SLC36A1: variants seen among roughly 807,000 people sequenced by gnomAD.
SLC36A1 encodes the protein proton-coupled amino acid transporter 1.
Under a neutral mutation model 47.5 loss-of-function variants are expected in SLC36A1, and 30 were observed. The observed-to-expected ratio is 0.63, with a 90% confidence interval of 0.47 to 0.86. SLC36A1 has a LOEUF of 0.86. Among genes scored for constraint, SLC36A1 ranks in the 40% least tolerant of loss-of-function variants. The probability of loss-of-function intolerance (pLI) is 0.00; values close to 1 mark genes in which losing one functional copy is unlikely to be tolerated. For synonymous variants in SLC36A1, 255 were observed against 249.7 expected (o/e 1.02, Z -0.20); for missense variants, 517 against 606.0 (o/e 0.85, Z 1.54).
At chr5:151,361,726 T>G in the SLC36A1 span, among the ~76,000 whole-genome samples, 1 of 152,378 alleles carries the variant, frequency 6.6e-6, no homozygotes, top group South Asian at 2.1e-4. Flanking sequence ...TTTTCTTTCA[T>G]GCTGAAGAAG....
chr5:151,505,839 G>A, the SLC36A1 span: 1 of 1,612,912 alleles, frequency 6.2e-7, no homozygotes, highest in South Asian at 1.1e-5. Context: ...GCGCTCCCGG[G>A]GACTAGGGGG....
rs115854421 is a variant in SLC36A1, at chr5:151,476,275, C to A, written c.823-315C>A. Among the ~76,000 whole-genome samples, 636 of 152,328 alleles carry A rather than the reference C, an allele frequency of 4.2e-3. 8 individuals carry two copies. Among genetic ancestry groups the A allele is most frequent in the African/African-American group, 0.015 (618 of 41,560 alleles). On this transcript the variant is annotated intron_variant, in intron 8 of 10. Coordinates refer to ENST00000243389, the MANE Select transcript of SLC36A1 (RefSeq NM_078483.4). ...CTTCTGGTTGCCATGTGGCCTCACT[C>A]ACAGGGCAAGGGACATTCCCAGCCT...
rs1206024484 is a variant in SLC36A1, at chr5:151,467,824, C to A, written c.622C>A (p.Leu208Met). 6.2e-7 allele frequency: 1 copy of A among 1,613,932 alleles called. No individual in the cohort carries two copies. Among genetic ancestry groups the A allele is most frequent in the Non-Finnish European group, 8.5e-7 (1 of 1,180,000 alleles). Residue 208 changes from leucine to methionine, a missense_variant, in exon 7 of 11, where the codon CTG (leucine) becomes ATG (methionine). Transcript: ENST00000243389. ...MLSFLPFLVL[L>M]VFIRNLRALS... Reference sequence around the variant, plus strand: ...CTCCTTCCTGCCCTTCCTGGTGCTGCTGGTTTTCATCAGGAACCTCCGAGC... The same window carrying A: ...CTCCTTCCTGCCCTTCCTGGTGCTGATGGTTTTCATCAGGAACCTCCGAGC...
chr5:151,409,490 A>G, the SLC36A1 span, among the ~76,000 whole-genome samples: 60,877 of 152,016 alleles, frequency 0.4, 12,293 homozygotes, highest in South Asian at 0.44. Flanking sequence ...AGTGTTCAAC[A>G]GGCGTTTTGG....
chr5:151,369,375 A>G, the SLC36A1 span, among the ~76,000 whole-genome samples: 1 of 152,356 alleles, frequency 6.6e-6, no homozygotes, highest in East Asian at 1.9e-4. Context: ...TCTGTCCAAA[A>G]ATCCCTCTAA....
chr5:151,377,752 C>A, the SLC36A1 span, among the ~76,000 whole-genome samples: 1 of 152,118 alleles, frequency 6.6e-6, no homozygotes, highest in Non-Finnish European at 1.5e-5. Flanking sequence ...TTGAATTGAT[C>A]TCTTCACCAT....
rs165358 is a variant in SLC36A1, at chr5:151,479,590, C to G, written c.1159+101C>G. 0.18 allele frequency: 253,152 copies of G among 1,398,502 alleles called. 25,178 individuals carry two copies. Among genetic ancestry groups the G allele is most frequent in the Non-Finnish European group, 0.21 (211,544 of 1,023,930 alleles). 86.6% of individuals were successfully genotyped at this position (1,398,502 alleles called of 1,614,324 possible). On this transcript the variant is annotated intron_variant, in intron 10 of 10. Coordinates refer to ENST00000243389, the MANE Select transcript of SLC36A1 (RefSeq NM_078483.4). ...ACAATGTGTGTTGTAGTGAAGCTGG[C>G]TATGTTTGTGACAGAGAACCTGGCC...
chr5:151,450,670 C>T (rs1753519487), intron 1 of SLC36A1, among the ~76,000 whole-genome samples: 1 of 152,232 alleles, frequency 6.6e-6, no homozygotes, highest in African/African-American at 2.4e-5. Flanking sequence ...TAACTATTCT[C>T]ATATTAAGTA....
the SLC36A1 span, chr5:151,425,541 AATGG>A: frequency 1.3e-5 from 2 of 152,218 alleles, no homozygotes; most frequent in Non-Finnish European, 2.9e-5. Flanking sequence ...TGGGGGGACC[AATGG>A]ATGGATGGAT....
At chr5:151,408,971 AT>A in the SLC36A1 span, among the ~76,000 whole-genome samples, 5 of 141,986 alleles carry the variant, frequency 3.5e-5, no homozygotes, top group Admixed American at 7.0e-5. Flanking sequence ...GGTGAGGGTG[AT>A]TTTTTTTTTC....
chr5:151,452,471 A>G (rs1449497979), intron 1 of SLC36A1: 1 of 152,246 alleles, frequency 6.6e-6, no homozygotes, highest in African/African-American at 2.4e-5. Flanking sequence ...AGGGGCGCCA[A>G]TGCGTGAATT....
At chr5:151,438,871 A>G (rs1203385045) in intron 1 of SLC36A1, among the ~76,000 whole-genome samples, 1 of 152,128 alleles carries the variant, frequency 6.6e-6, no homozygotes, top group East Asian at 1.9e-4. Context: ...TACCTTTGCC[A>G]CATTTTTTTT....
intron 9 of SLC36A1, 98 bp downstream of exon 9, chr5:151,476,854 G>A (rs1186829559): frequency 4.2e-6 from 6 of 1,441,024 alleles, no homozygotes; most frequent in Non-Finnish European, 4.8e-6. Context: ...TCTTAAACCA[G>A]CCCACTTCAC....
the SLC36A1 span, among the ~76,000 whole-genome samples, chr5:151,350,203 T>A: frequency 6.7e-6 from 1 of 148,850 alleles, no homozygotes; most frequent in South Asian, 2.2e-4. Flanking sequence ...TCTACCCCCA[T>A]CTAAATAATA....
the SLC36A1 span, among the ~76,000 whole-genome samples, chr5:151,367,605 A>T: frequency 6.6e-6 from 1 of 152,142 alleles, no homozygotes; most frequent in Non-Finnish European, 1.5e-5. Flanking sequence ...CACGTTTTAC[A>T]ATCAATTTGT....
chr5:151,463,459 G>C, intron 2 of SLC36A1, 94 bp from the exon 3 acceptor site: 1 of 929,196 alleles, frequency 1.1e-6, no homozygotes, highest in Non-Finnish European at 1.8e-6. Context: ...CAGGGTTGTT[G>C]TGGAAATAAA....
chr5:151,458,870 G>A lies in SLC36A1; in HGVS notation c.78G>A (p.Ser26=), dbSNP rs142064945. The A allele has an allele frequency of 1.7e-5, 28 of 1,613,900 alleles. No homozygotes were observed. Among genetic ancestry groups the A allele is most frequent in the African/African-American group, 9.3e-5 (7 of 74,910 alleles). Reference sequence around the variant, plus strand: ...ACGTGAGCCCTGAGGAGAGCCCGTCGGAAGGCCTCAACAACCTCTCCTCCC... The same window carrying A: ...ACGTGAGCCCTGAGGAGAGCCCGTCAGAAGGCCTCAACAACCTCTCCTCCC... The part of the protein sequence containing the change: ...STDVSPEESP[S]EGLNNLSSPG... The change falls in exon 2 of 11, where the codon TCG becomes TCA. Residue 26 remains serine (S), a synonymous_variant. Transcript: ENST00000243389.
chr5:151,464,622 C>A lies in SLC36A1; in HGVS notation c.323+20C>A. On this transcript the variant is annotated intron_variant, in intron 4 of 10. Transcript: ENST00000243389. ...CCGCAGGTGAGAGCCCTCTGAGCCA[C>A]CTCTCAAGTGACAGATTGTCCTTTT... The A allele has an allele frequency of 6.2e-7, 1 of 1,606,942 alleles. No homozygotes were observed. Among genetic ancestry groups the A allele is most frequent in the South Asian group, 1.1e-5 (1 of 90,868 alleles).
At chr5:151,396,935 C>T in the SLC36A1 span, among the ~76,000 whole-genome samples, 1 of 152,166 alleles carries the variant, frequency 6.6e-6, no homozygotes, top group Non-Finnish European at 1.5e-5. Flanking sequence ...AAGTCACACT[C>T]TTAAGTATTC....
Sources: gnomAD v4.1 joint callset for allele counts (sites outside exome capture counted in the v4.1 genomes callset) on GRCh38, gnomAD v4.1.1 for gene constraint, MANE v1.5 for transcripts, NCBI Gene and HGNC (gene_info 2026-07-23, HGNC 2026-07-21) for gene names.